Variants in NEIL3 observed in about 807,000 individuals in gnomAD.
NEIL3 encodes the protein nei like DNA glycosylase 3.
In NEIL3, 48 loss-of-function variants were observed where a neutral mutation model predicts 57.5. That is an observed-to-expected ratio of 0.83 (90% CI 0.66 to 1.06). NEIL3 has a LOEUF of 1.06. NEIL3 is among the 50% of genes least tolerant of loss of function. The pLI is 0.00. For synonymous variants in NEIL3, 261 were observed against 253.2 expected, an observed-to-expected ratio of 1.03 and a Z score of -0.29; for missense variants, 717 against 739.1, an observed-to-expected ratio of 0.97 and a Z score of 0.35.
At chr4:177,324,609 C>T (rs1734744347) in intron 2 of NEIL3, among the ~76,000 whole-genome samples, 1 of 152,080 alleles carries the variant, frequency 6.6e-6, no homozygotes, top group African/African-American at 2.4e-5. Flanking sequence ...ATTTTAGGAG[C>T]ACTATTGTGT....
At chr4:177,344,839 G>A (rs1253535097) in intron 6 of NEIL3, among the ~76,000 whole-genome samples, 1 of 152,126 alleles carries the variant, frequency 6.6e-6, no homozygotes, top group African/African-American at 2.4e-5. Flanking sequence ...TGGGATTACA[G>A]GTGTGAGCCA....
At chr4:177,369,152 GC>G in the NEIL3 span, among the ~76,000 whole-genome samples, 1 of 152,182 alleles carries the variant, frequency 6.6e-6, no homozygotes, top group Non-Finnish European at 1.5e-5. Flanking sequence ...AGCACTTTAA[GC>G]AAAGTGCTAA....
intron 6 of NEIL3, among the ~76,000 whole-genome samples, chr4:177,345,596 T>C (rs775011506): frequency 2.6e-5 from 4 of 151,610 alleles, no homozygotes; most frequent in Admixed American, 6.6e-5. Flanking sequence ...TTGGCCAGGA[T>C]GGTCTCGATC....
At chr4:177,328,396 C>T (rs1284411726) in intron 2 of NEIL3, among the ~76,000 whole-genome samples, 3 of 152,150 alleles carry the variant, frequency 2.0e-5, no homozygotes, top group Non-Finnish European at 4.4e-5. Context: ...CTCACACGTA[C>T]CTAGCCAATG....
At position 177,360,516 on chromosome 4, in the gene NEIL3, A is replaced by G; in HGVS notation, c.1474A>G (p.Asn492Asp). 6.2e-7 allele frequency: 1 copy of G among 1,613,740 alleles called. No homozygotes were observed. Among genetic ancestry groups the G allele is most frequent in the Non-Finnish European group, 8.5e-7 (1 of 1,179,760 alleles). ...PGYSNSELQI[N>D]MTDGPRTLNP... is the part of the protein sequence containing the mutation. ...CTGTCATTACAGTGAACTTCAAATT[A>G]ATATGACAGATGGCCCTCGTACCTT... is the stretch of plus-strand genomic sequence containing the variant. Residue 492 changes from asparagine (N) to aspartate (D), a missense_variant, in exon 9 of 10, where the codon AAT becomes GAT. By Grantham distance (23) the Asn-to-Asp change is conservative. Coordinates refer to ENST00000264596, the MANE Select transcript of NEIL3 (RefSeq NM_018248.3).
Position 177,362,356 on chromosome 4 carries a change from T to C in NEIL3, c.1703T>C (p.Ile568Thr). 2 of 1,613,420 alleles carry C rather than the reference T, an allele frequency of 1.2e-6. No individual in the cohort carries two copies. Among genetic ancestry groups the C allele is most frequent in the Non-Finnish European group, 1.7e-6 (2 of 1,179,718 alleles). Reference protein sequence around the residue: ...KRSTMKTVLKIGPNNGKNFFV... With the variant: ...KRSTMKTVLKTGPNNGKNFFV... The stretch of plus-strand genomic sequence containing the variant: ...TCCACCATGAAAACAGTATTGAAGA[T>C]TGGACCTAACAATGGAAAGAATTTT... Residue 568 changes from isoleucine (I) to threonine (T), a missense_variant, in exon 10 of 10, where the codon ATT becomes ACT. Transcript: ENST00000264596.
intron 6 of NEIL3, among the ~76,000 whole-genome samples, chr4:177,349,649 T>C: frequency 6.6e-6 from 1 of 152,186 alleles, no homozygotes; most frequent in Non-Finnish European, 1.5e-5. Context: ...CCTATGTCTT[T>C]GGGAGGCCAT....
In NEIL3 at chr4:177,311,200, C is replaced by A. The variant is rs1734469373; in HGVS notation, c.156+1091C>A. Among the ~76,000 whole-genome samples the A allele has an allele frequency of 3.3e-5, 5 of 151,922 alleles. No homozygotes were observed. In the South Asian group the frequency reaches 1.0e-3, roughly 32 times the overall value. On this transcript the variant is annotated intron_variant, in intron 1 of 9. Transcript: ENST00000264596. ...AATAAAATTTTGAATACTCAAGACA[C>A]CTGGGGAGCAAAAACAAATACTTCC...
chr4:177,342,730 G>A (rs1300806056), intron 6 of NEIL3, among the ~76,000 whole-genome samples: 2 of 152,150 alleles, frequency 1.3e-5, no homozygotes. Context: ...AAAGCAAACA[G>A]TATTTAATTG....
chr4:177,344,260 G>T (rs1490485031), intron 6 of NEIL3, among the ~76,000 whole-genome samples: 1 of 152,128 alleles, frequency 6.6e-6, no homozygotes, highest in African/African-American at 2.4e-5. Context: ...ATTTTAAAAA[G>T]CTTGAAAACC....
At chr4:177,331,869 C>T (rs377271495) in intron 2 of NEIL3, among the ~76,000 whole-genome samples, 56 of 152,292 alleles carry the variant, frequency 3.7e-4, no homozygotes, top group African/African-American at 1.2e-3. Flanking sequence ...AACTTCAAAA[C>T]TCCAGCTGCT....
chr4:177,363,509 G>A (rs1735650832), downstream of NEIL3, among the ~76,000 whole-genome samples: 1 of 152,264 alleles, frequency 6.6e-6, no homozygotes, highest in Middle Eastern at 3.4e-3. Flanking sequence ...ACCAGGAACT[G>A]GACTGGACAG....
At chr4:177,313,075 T>A (rs565133031) in intron 1 of NEIL3, among the ~76,000 whole-genome samples, 80 of 152,316 alleles carry the variant, frequency 5.3e-4, no homozygotes, top group Admixed American at 9.1e-4. Context: ...AAATGATTAG[T>A]TTTCACAAGG....
intron 4 of NEIL3, among the ~76,000 whole-genome samples, chr4:177,337,910 T>C (rs1313733449): frequency 1.3e-5 from 2 of 152,096 alleles, no homozygotes; most frequent in Non-Finnish European, 2.9e-5. Flanking sequence ...TCCCAGCTAC[T>C]GGAGAGGCTG....
intron 2 of NEIL3, 135 bp from the exon 3 acceptor site, chr4:177,335,553 T>C (rs1207183504): frequency 1.6e-6 from 1 of 624,450 alleles, no homozygotes; most frequent in Non-Finnish European, 2.7e-6. Flanking sequence ...TTACCACTGG[T>C]TTCTGCCCTT....
At chr4:177,342,157 T>G (rs1735108520) in intron 6 of NEIL3, among the ~76,000 whole-genome samples, 1 of 152,178 alleles carries the variant, frequency 6.6e-6, no homozygotes, top group Non-Finnish European at 1.5e-5. Context: ...GGACTTACTG[T>G]GAGAAGTATT....
intron 7 of NEIL3, among the ~76,000 whole-genome samples, chr4:177,352,753 C>G (rs1735384783): frequency 6.6e-6 from 1 of 151,810 alleles, no homozygotes; most frequent in African/African-American, 2.4e-5. Flanking sequence ...TGGCGTGAAC[C>G]CGGGAGGCGG....
At chr4:177,350,541 CAA>C (rs1735327849) in intron 6 of NEIL3, among the ~76,000 whole-genome samples, 1 of 152,152 alleles carries the variant, frequency 6.6e-6, no homozygotes, top group African/African-American at 2.4e-5. Flanking sequence ...GGAAACAACA[CAA>C]AGAGATATCT....
At chr4:177,310,220 C>T (rs1458624068) in intron 1 of NEIL3, 111 bp downstream of exon 1, 4 of 1,199,944 alleles carry the variant, frequency 3.3e-6, no homozygotes, top group Non-Finnish European at 4.4e-6. Flanking sequence ...CCCAGGTTTC[C>T]TGGGGTCCCA....
Sources: allele counts gnomAD v4.1 joint callset (sites outside exome capture counted in the v4.1 genomes callset), GRCh38; gene constraint gnomAD v4.1.1; transcripts MANE v1.5; gene names NCBI Gene and HGNC (gene_info 2026-07-23, HGNC 2026-07-21).